Variants in TYW5 observed in about 807,000 individuals in gnomAD.
TYW5 encodes tRNA-yW synthesizing protein 5, also known as tRNA wybutosine-synthesizing protein 5.
In TYW5, 36 loss-of-function variants were observed where a neutral mutation model predicts 44.4. The ratio of observed to expected loss-of-function variants is 0.81; its 90% CI spans 0.62 to 1.07. The LOEUF (loss-of-function observed/expected upper bound fraction) is 1.07, where lower values mean the gene tolerates loss of function less well. Ranked by LOEUF, TYW5 falls within the 50% of genes least tolerant of loss-of-function variation. The probability of loss-of-function intolerance (pLI) is 0.00; values close to 1 mark genes in which losing one functional copy is unlikely to be tolerated. For missense variants in TYW5, 354 were observed against 365.7 expected (o/e 0.97, Z 0.26); for synonymous variants, 121 against 128.1 (o/e 0.94, Z 0.37).
At chr2:199,948,557 C>T in intron 1 of TYW5, 85 bp from the exon 2 acceptor site, 1 of 1,351,234 alleles carries the variant, frequency 7.4e-7, no homozygotes, top group Non-Finnish European at 1.0e-6. Flanking sequence ...GAGACAAAAA[C>T]AAGTAAGATC....
intron 2 of TYW5, chr2:199,946,332 C>T (rs1456756881): frequency 6.6e-6 from 1 of 152,086 alleles, no homozygotes; most frequent in East Asian, 1.9e-4. Context: ...GAAGAAAGCC[C>T]TTCACTGTCT....
At chr2:199,950,011 G>A (rs1023702069) in intron 1 of TYW5, among the ~76,000 whole-genome samples, 21 of 152,018 alleles carry the variant, frequency 1.4e-4, no homozygotes, top group Admixed American at 4.6e-4. Flanking sequence ...AGAACCCGAC[G>A]TCTTTTATAC....
At chr2:199,933,361 T>C (rs1210946688) in intron 7 of TYW5, 38 bp from the exon 8 acceptor site, 1 of 1,544,456 alleles carries the variant, frequency 6.5e-7, no homozygotes, top group African/African-American at 1.4e-5. Context: ...AAATAAAACC[T>C]ACAGTTAAAA....
chr2:199,948,015 C>T (rs753115897), intron 2 of TYW5: 7 of 250,646 alleles, frequency 2.8e-5, no homozygotes, highest in Admixed American at 5.3e-5. Context: ...TCACTTGAAC[C>T]CAGGAGGCAG....
Position 199,938,932 on chromosome 2 carries a change from C to T in TYW5, c.486+1G>A, listed in dbSNP as rs761363417. 1.2e-6 allele frequency: 2 copies of T among 1,600,740 alleles called. No homozygotes were observed. The highest frequency in any genetic ancestry group is 1.7e-6 in the Non-Finnish European group (2 of 1,176,222). Reference sequence around the variant, plus strand: ...TTAAATTTCTCATTTATGTAGCATACATCATAATGAGTCCATAGTTGTAAT... The same window carrying T: ...TTAAATTTCTCATTTATGTAGCATATATCATAATGAGTCCATAGTTGTAAT... On this transcript the variant is annotated splice_donor_variant, in intron 5 of 7. Transcript: ENST00000354611. LOFTEE classifies it high-confidence loss of function.
At chr2:199,948,085 C>T (rs2077516383) in intron 2 of TYW5, 1 of 407,502 alleles carries the variant, frequency 2.5e-6, no homozygotes, top group African/African-American at 2.1e-5. Flanking sequence ...CAGTAAAACT[C>T]TGTCTCAAAA....
intron 3 of TYW5, among the ~76,000 whole-genome samples, chr2:199,940,772 T>C (rs2077457849): frequency 6.6e-6 from 1 of 152,226 alleles, no homozygotes; most frequent in Non-Finnish European, 1.5e-5. Context: ...ATACCATCTC[T>C]AAAGCTACAA....
rs180849454 is a variant in TYW5 at position 199,929,626 on chromosome 2, C to T, written c.*3441G>A. On this transcript the variant is annotated 3_prime_UTR_variant, in exon 8 of 8. Transcript: ENST00000354611. ...CTTTTTATAGGTGATAGAAAAGCCG[C>T]CTTACTAAGGTTCTTTCCAAATGTT... Among the ~76,000 whole-genome samples the T allele has an allele frequency of 1.3e-5, 2 of 151,174 alleles. No individual in the cohort carries two copies. The highest frequency in any genetic ancestry group is 6.6e-5 in the Admixed American group (1 of 15,162).
rs1200777356 is a variant in TYW5, at chr2:199,931,942, GTAAT to G, written c.*1121_*1124del. On this transcript the variant is annotated 3_prime_UTR_variant, in exon 8 of 8. Transcript: ENST00000354611. ...AGGATCTCATTTATTCATTCTTTAA[GTAAT>G]TTTTCTTTTAAAAAAGGGATAGGTG... 6.6e-6 allele frequency: 1 copy of G among 152,084 alleles called. No individual in the cohort carries two copies. The highest frequency in any genetic ancestry group is 1.5e-5 in the Non-Finnish European group (1 of 67,998). 9.4% of individuals were successfully genotyped at this position (152,084 alleles called of 1,614,324 possible).
At chr2:199,954,769 G>A (rs1000237398) in intron 1 of TYW5, among the ~76,000 whole-genome samples, 1 of 152,098 alleles carries the variant, frequency 6.6e-6, no homozygotes, top group African/African-American at 2.4e-5. Context: ...GTAAATATCA[G>A]GTAAGAAAAT....
intron 1 of TYW5, among the ~76,000 whole-genome samples, chr2:199,950,764 C>A (rs1402178550): frequency 6.6e-6 from 1 of 152,070 alleles, no homozygotes; most frequent in Non-Finnish European, 1.5e-5. Context: ...CCACCTGTGA[C>A]CCTGAACTGA....
chr2:199,929,970 ATTTTTTTTTTTT>A lies in TYW5; in HGVS notation c.*3085_*3096del, dbSNP rs35165461. On this transcript the variant is annotated 3_prime_UTR_variant, in exon 8 of 8. Coordinates refer to ENST00000354611, the MANE Select transcript of TYW5 (RefSeq NM_001039693.3). ...ACCACTCCCCAGCTCTGCATATAAT[ATTTTTTTTTTTT>A]TTTTTTTTTTTGAGACAGGGTCTCA... 2.2e-4 allele frequency: 20 copies of A among 89,832 alleles called. No individual in the cohort carries two copies. In the East Asian group the frequency reaches 6.4e-3, roughly 29 times the overall value. 5.6% of individuals were successfully genotyped at this position (89,832 alleles called of 1,614,324 possible).
intron 3 of TYW5, chr2:199,942,330 G>A (rs1232443398): frequency 6.6e-6 from 1 of 152,296 alleles, no homozygotes; most frequent in African/African-American, 2.4e-5. Context: ...GCCTCCCAAT[G>A]TGCTGGGATT....
In TYW5 at chr2:199,929,068, C is replaced by CTT. The variant is rs1360806047; in HGVS notation, c.*3997_*3998dup. On this transcript the variant is annotated 3_prime_UTR_variant, in exon 8 of 8. Transcript: ENST00000354611. Reference sequence around the variant, plus strand: ...ACCTCATCTGTAAACTCATGTTGCTCTTTACAAAGGAAGAGACCCAGCAGC... The same window carrying CTT: ...ACCTCATCTGTAAACTCATGTTGCTCTTTTTACAAAGGAAGAGACCCAGCAGC... Among the ~76,000 whole-genome samples the CTT allele has an allele frequency of 6.6e-6, 1 of 152,116 alleles. No individual in the cohort carries two copies. The highest frequency in any genetic ancestry group is 2.4e-5 in the African/African-American group (1 of 41,418).
In TYW5 at chr2:199,929,970, A is replaced by AT. The variant is rs35165461; in HGVS notation, c.*3096dup. ...ACCACTCCCCAGCTCTGCATATAATATTTTTTTTTTTTTTTTTTTTTTTGA... is the reference window on the plus strand; with the variant it reads ...ACCACTCCCCAGCTCTGCATATAATATTTTTTTTTTTTTTTTTTTTTTTTGA... On this transcript the variant is annotated 3_prime_UTR_variant, in exon 8 of 8. Transcript: ENST00000354611. 679 of 89,784 alleles carry AT rather than the reference A, an allele frequency of 7.6e-3. 3 individuals are homozygous for AT. Among genetic ancestry groups the AT allele is most frequent in the East Asian group, 0.036 (112 of 3,116 alleles). The allele number at this position is 89,784 out of a possible 1,614,324, so 5.6% of individuals were successfully genotyped here.
At position 199,936,828 on chromosome 2, in the gene TYW5, A is replaced by G. The variant is rs144857719; in HGVS notation, c.487-336T>C. On this transcript the variant is annotated intron_variant, in intron 5 of 7. Transcript: ENST00000354611. ...TATTTACTATCTGTTAAGGAATGCT[A>G]TAAGCCCAAAATTAGACAACAGAGT... Among the ~76,000 whole-genome samples, 768 of 152,340 alleles carry G rather than the reference A, an allele frequency of 5.0e-3. 2 individuals carry two copies. The highest frequency in any genetic ancestry group is 0.027 in the Middle Eastern group (8 of 294).
In TYW5 at chr2:199,931,294, G is replaced by A. The variant is rs1240484654; in HGVS notation, c.*1773C>T. On this transcript the variant is annotated 3_prime_UTR_variant, in exon 8 of 8. Transcript: ENST00000354611. The stretch of plus-strand genomic sequence containing the variant: ...ATGTTATTTTGTCTAAGGTCATCCA[G>A]TTTGCTTCTCCATTAAACAATCAAT... 1 of 152,012 alleles carries A rather than the reference G, an allele frequency of 6.6e-6. No individual in the cohort carries two copies. The highest frequency in any genetic ancestry group is 1.5e-5 in the Non-Finnish European group (1 of 68,018). 9.4% of individuals were successfully genotyped at this position (152,012 alleles called of 1,614,324 possible).
Position 199,932,518 on chromosome 2 carries a change from T to C in TYW5, c.*549A>G, listed in dbSNP as rs920836935. 1 of 154,890 alleles carries C rather than the reference T, an allele frequency of 6.5e-6. No individual in the cohort carries two copies. Among genetic ancestry groups the C allele is most frequent in the Non-Finnish European group, 1.4e-5 (1 of 69,726 alleles). The allele number at this position is 154,890 out of a possible 1,614,324, so 9.6% of individuals were successfully genotyped here. A position where few individuals can be genotyped will look rare whatever the true frequency, so the allele number is the denominator to read the frequency against. Reference sequence around the variant, plus strand: ...ACAGGTCTAAGTTACTTTAGAGCAATGAGACCTAAGGATATGGAAAGTGAA... The same window carrying C: ...ACAGGTCTAAGTTACTTTAGAGCAACGAGACCTAAGGATATGGAAAGTGAA... On this transcript the variant is annotated 3_prime_UTR_variant, in exon 8 of 8. Coordinates refer to ENST00000354611, the MANE Select transcript of TYW5 (RefSeq NM_001039693.3).
chr2:199,954,443 T>C (rs1257305147), intron 1 of TYW5, among the ~76,000 whole-genome samples: 3 of 152,146 alleles, frequency 2.0e-5, no homozygotes, highest in East Asian at 3.9e-4. Flanking sequence ...TTTTGTTTGT[T>C]TGTTTGAGAC....
Sources: gnomAD v4.1 joint callset for allele counts (sites outside exome capture counted in the v4.1 genomes callset) on GRCh38, gnomAD v4.1.1 for gene constraint, MANE v1.5 for transcripts, NCBI Gene and HGNC (gene_info 2026-07-23, HGNC 2026-07-21) for gene names.